Variants in NYAP2 observed in about 807,000 individuals in gnomAD.
NYAP2 encodes neuronal tyrosine-phosphorylated phosphoinositide-3-kinase adapter 2.
NYAP2 carries 23 observed loss-of-function variants against 50.4 expected under a neutral mutation model. The observed-to-expected ratio is 0.46, with a 90% confidence interval of 0.33 to 0.65. The LOEUF (loss-of-function observed/expected upper bound fraction) is 0.65. Ranked by LOEUF, NYAP2 falls within the 30% of genes least tolerant of loss-of-function variation. The pLI is 0.02. For missense variants in NYAP2, 885 were observed against 861.0 expected (o/e 1.03, Z -0.35); for synonymous variants, 394 against 365.2 (o/e 1.08, Z -0.90).
At chr2:225,515,833 G>A (rs778895251) in intron 4 of NYAP2, among the ~76,000 whole-genome samples, 2 of 152,064 alleles carry the variant, frequency 1.3e-5, no homozygotes, top group South Asian at 4.1e-4. Context: ...ACTGATTTAA[G>A]AAAGTGATCA....
intron 6 of NYAP2, among the ~76,000 whole-genome samples, chr2:225,641,799 A>G (rs779121685): frequency 6.6e-6 from 1 of 152,110 alleles, no homozygotes; most frequent in Non-Finnish European, 1.5e-5. Flanking sequence ...GGCCTGGGCT[A>G]CAGAGTGAGA....
the NYAP2 span, chr2:225,702,845 C>G: frequency 6.6e-6 from 1 of 151,590 alleles, no homozygotes; most frequent in Non-Finnish European, 1.5e-5. Flanking sequence ...GGATTTGTCT[C>G]AACCAAACAT....
At chr2:225,435,942 C>G (rs1170520887) in intron 3 of NYAP2, among the ~76,000 whole-genome samples, 1 of 152,090 alleles carries the variant, frequency 6.6e-6, no homozygotes, top group Non-Finnish European at 1.5e-5. Flanking sequence ...TACTATCTCC[C>G]TTATGGGGTG....
downstream of NYAP2, among the ~76,000 whole-genome samples, chr2:225,655,891 C>CACACACAG (rs1693813797): frequency 8.4e-6 from 1 of 119,498 alleles, no homozygotes; most frequent in Non-Finnish European, 1.7e-5. Flanking sequence ...CCACTACACA[C>CACACACAG]ACACACACAC....
At chr2:225,592,801 G>A (rs949306835) in intron 5 of NYAP2, among the ~76,000 whole-genome samples, 11 of 152,120 alleles carry the variant, frequency 7.2e-5, no homozygotes, top group Non-Finnish European at 5.9e-5. Context: ...TTTATCCCCC[G>A]TGTTTATATT....
At chr2:225,418,197 C>T (rs1005193996) in intron 3 of NYAP2, among the ~76,000 whole-genome samples, 4 of 152,180 alleles carry the variant, frequency 2.6e-5, no homozygotes, top group East Asian at 1.9e-4. Context: ...GAGAAAAGGT[C>T]GTAATGGGGA....
intron 3 of NYAP2, among the ~76,000 whole-genome samples, chr2:225,512,861 C>CT: frequency 1.5e-5 from 1 of 68,440 alleles, no homozygotes; most frequent in African/African-American, 4.7e-5. Flanking sequence ...TTCTTCCTTC[C>CT]TTCCTTCCTT....
At chr2:225,591,860 AC>A (rs1217281124) in intron 5 of NYAP2, among the ~76,000 whole-genome samples, 5 of 152,200 alleles carry the variant, frequency 3.3e-5, no homozygotes, top group Non-Finnish European at 5.9e-5. Context: ...TAATTTGTAG[AC>A]AAATGGCATG....
At chr2:225,596,152 C>A (rs1692592815) in intron 5 of NYAP2, among the ~76,000 whole-genome samples, 1 of 152,114 alleles carries the variant, frequency 6.6e-6, no homozygotes, top group Non-Finnish European at 1.5e-5. Flanking sequence ...CTGCATCAGC[C>A]TCCCAAGTAG....
chr2:225,677,824 T>C, the NYAP2 span, among the ~76,000 whole-genome samples: 2 of 152,180 alleles, frequency 1.3e-5, no homozygotes, highest in Admixed American at 1.3e-4. Flanking sequence ...GTTAGTATTT[T>C]GTAGCGGTTC....
chr2:225,546,652 A>G (rs1039987411), intron 4 of NYAP2, among the ~76,000 whole-genome samples: 1 of 151,972 alleles, frequency 6.6e-6, no homozygotes, highest in Non-Finnish European at 1.5e-5. Flanking sequence ...AGAATCAGGG[A>G]CCCCAGTGGT....
intron 4 of NYAP2, among the ~76,000 whole-genome samples, chr2:225,518,346 G>T (rs904024486): frequency 6.6e-6 from 1 of 150,854 alleles, no homozygotes; most frequent in Non-Finnish European, 1.5e-5. Context: ...ATCACCAGGG[G>T]CTAGGGCAGG....
At chr2:225,663,062 T>C in the NYAP2 span, among the ~76,000 whole-genome samples, 2 of 152,198 alleles carry the variant, frequency 1.3e-5, no homozygotes, top group African/African-American at 4.8e-5. Context: ...ATTTAAAACA[T>C]GGGCTATTTT....
chr2:225,507,184 A>G (rs1025634601), intron 3 of NYAP2, among the ~76,000 whole-genome samples: 2 of 152,198 alleles, frequency 1.3e-5, no homozygotes, highest in African/African-American at 2.4e-5. Context: ...CATCATCATT[A>G]TCTATCTGGG....
At chr2:225,659,380 T>C in the NYAP2 span, among the ~76,000 whole-genome samples, 3 of 152,222 alleles carry the variant, frequency 2.0e-5, no homozygotes, top group Non-Finnish European at 2.9e-5. Context: ...TCACCTCTCA[T>C]GTGCTTACCA....
intron 3 of NYAP2, among the ~76,000 whole-genome samples, chr2:225,435,409 A>G (rs1689359557): frequency 6.6e-6 from 1 of 152,180 alleles, no homozygotes; most frequent in African/African-American, 2.4e-5. Context: ...AACTCTTGAG[A>G]GTCAAATGAT....
chr2:225,601,130 T>C (rs1277770966), intron 5 of NYAP2, among the ~76,000 whole-genome samples: 1 of 151,524 alleles, frequency 6.6e-6, no homozygotes, highest in African/African-American at 2.4e-5. Flanking sequence ...TAAGTTTTTT[T>C]TTTTTTTTTT....
chr2:225,416,575 A>G (rs760646500), intron 3 of NYAP2, among the ~76,000 whole-genome samples: 14 of 152,116 alleles, frequency 9.2e-5, no homozygotes, highest in Non-Finnish European at 1.2e-4. Flanking sequence ...AATAGAGACA[A>G]TCCTGGGTTT....
At chr2:225,485,986 C>T (rs1450327581) in intron 3 of NYAP2, among the ~76,000 whole-genome samples, 2 of 152,122 alleles carry the variant, frequency 1.3e-5, no homozygotes, top group Non-Finnish European at 2.9e-5. Flanking sequence ...TAGATATTGC[C>T]AAATGTCTCC....
Sources: gnomAD v4.1 joint callset for allele counts (sites outside exome capture counted in the v4.1 genomes callset) on GRCh38, gnomAD v4.1.1 for gene constraint, MANE v1.5 for transcripts, NCBI Gene and HGNC (gene_info 2026-07-23, HGNC 2026-07-21) for gene names.